Variants in CDH13 observed in about 807,000 individuals in gnomAD.
CDH13 encodes the protein cadherin 13, also known as cadherin-13.
CDH13 carries 24 observed loss-of-function variants against 63.8 expected under a neutral mutation model. That is an observed-to-expected ratio of 0.38 (90% CI 0.27 to 0.53). The LOEUF is 0.53. CDH13 is among the 20% of genes least tolerant of loss of function. CDH13 has a pLI of 0.85. For missense variants in CDH13, 1,049 were observed against 903.1 expected, an observed-to-expected ratio of 1.16 and a Z score of -2.07; for synonymous variants, 503 against 355.3, an observed-to-expected ratio of 1.42 and a Z score of -4.67.
chr16:83,168,558 A>G (rs2037786385), intron 4 of CDH13, among the ~76,000 whole-genome samples: 1 of 152,012 alleles, frequency 6.6e-6, no homozygotes, highest in Non-Finnish European at 1.5e-5. Flanking sequence ...TTTCAAATTA[A>G]CTTATTCTGA....
chr16:83,299,504 A>G (rs2089683646), intron 5 of CDH13, among the ~76,000 whole-genome samples: 1 of 152,180 alleles, frequency 6.6e-6, no homozygotes, highest in African/African-American at 2.4e-5. Flanking sequence ...TTTCCGTGGC[A>G]TGTCATTCAT....
At chr16:83,484,905 G>A (rs1021524702) in intron 6 of CDH13, among the ~76,000 whole-genome samples, 6 of 152,132 alleles carry the variant, frequency 3.9e-5, no homozygotes, top group Non-Finnish European at 5.9e-5. Context: ...GTTTGAGAAC[G>A]CTGATTCCAT....
intron 1 of CDH13, among the ~76,000 whole-genome samples, chr16:82,811,102 A>T (rs1008364067): frequency 2.0e-5 from 3 of 152,180 alleles, no homozygotes; most frequent in African/African-American, 7.2e-5. Flanking sequence ...TGTGGTAATA[A>T]AGAATTTGTC....
At chr16:82,756,726 AG>A (rs1456951344) in intron 1 of CDH13, among the ~76,000 whole-genome samples, 1 of 152,160 alleles carries the variant, frequency 6.6e-6, no homozygotes, top group Non-Finnish European at 1.5e-5. Flanking sequence ...GAGAATTAGG[AG>A]GACCAAGCTG....
chr16:83,522,852 T>A (rs1320685206), intron 7 of CDH13, among the ~76,000 whole-genome samples: 1 of 152,136 alleles, frequency 6.6e-6, no homozygotes, highest in Non-Finnish European at 1.5e-5. Flanking sequence ...CCCAAGGACT[T>A]AAAGAATTTT....
chr16:83,463,965 C>T (rs982768195), intron 6 of CDH13, among the ~76,000 whole-genome samples: 4 of 152,158 alleles, frequency 2.6e-5, no homozygotes, highest in Non-Finnish European at 5.9e-5. Flanking sequence ...TAAGGACCAC[C>T]ACTTTTGTAG....
intron 4 of CDH13, among the ~76,000 whole-genome samples, chr16:83,137,856 GT>G (rs567554799): frequency 6.8e-6 from 1 of 147,050 alleles, no homozygotes; most frequent in African/African-American, 2.5e-5. Context: ...CCAATAAAGT[GT>G]TTTTTGTTTT....
chr16:82,797,807 G>GTGTGTGTGTGTGTGTA, intron 1 of CDH13, among the ~76,000 whole-genome samples: 1 of 150,304 alleles, frequency 6.7e-6, no homozygotes, highest in East Asian at 2.0e-4. Context: ...GTGTGTGTGT[G>GTGTGTGTGTGTGTGTA]TATACATGTG....
intron 7 of CDH13, among the ~76,000 whole-genome samples, chr16:83,597,894 T>A (rs551401647): frequency 2.6e-5 from 4 of 152,248 alleles, no homozygotes; most frequent in Non-Finnish European, 5.9e-5. Flanking sequence ...TACATACCTC[T>A]GCTAAGCTTT....
At chr16:82,991,337 G>A (rs1291380378) in intron 2 of CDH13, among the ~76,000 whole-genome samples, 1 of 152,144 alleles carries the variant, frequency 6.6e-6, no homozygotes, top group Admixed American at 6.5e-5. Flanking sequence ...TACTTTAAAA[G>A]TATATATCTT....
intron 1 of CDH13, among the ~76,000 whole-genome samples, chr16:82,706,010 C>G (rs1408404455): frequency 2.0e-5 from 3 of 152,102 alleles, no homozygotes; most frequent in Admixed American, 6.6e-5. Flanking sequence ...CTCCTGTCCT[C>G]TCTCCCACCC....
At chr16:83,673,313 G>A (rs376365912) in intron 9 of CDH13, among the ~76,000 whole-genome samples, 5 of 152,148 alleles carry the variant, frequency 3.3e-5, no homozygotes, top group East Asian at 1.9e-4. Flanking sequence ...TGCCAACATG[G>A]ATATCCCCTA....
At chr16:82,860,472 G>T (rs1281032324) in intron 2 of CDH13, among the ~76,000 whole-genome samples, 1 of 150,592 alleles carries the variant, frequency 6.6e-6, no homozygotes, top group Non-Finnish European at 1.5e-5. Context: ...GGGTAAGCTA[G>T]TAAATGCTAA....
intron 10 of CDH13, among the ~76,000 whole-genome samples, chr16:83,688,120 A>T (rs377221397): frequency 2.0e-5 from 3 of 152,254 alleles, no homozygotes; most frequent in African/African-American, 7.2e-5. Flanking sequence ...TGGTCTTCCC[A>T]TGATTCATCA....
chr16:82,927,404 G>C (rs2042338674), intron 2 of CDH13, among the ~76,000 whole-genome samples: 1 of 152,080 alleles, frequency 6.6e-6, no homozygotes, highest in Admixed American at 6.5e-5. Flanking sequence ...TATAACTTGA[G>C]CTATTTTCAG....
chr16:83,602,873 T>G (rs1227235480), intron 8 of CDH13, among the ~76,000 whole-genome samples: 1 of 152,246 alleles, frequency 6.6e-6, no homozygotes, highest in Non-Finnish European at 1.5e-5. Context: ...ATTTTCATAG[T>G]TTTATTGCTG....
intron 8 of CDH13, among the ~76,000 whole-genome samples, chr16:83,633,826 G>T (rs2150798025): frequency 6.6e-6 from 1 of 152,188 alleles, no homozygotes; most frequent in South Asian, 2.1e-4. Flanking sequence ...TCATAAACAA[G>T]GTATCCCCCC....
intron 5 of CDH13, among the ~76,000 whole-genome samples, chr16:83,288,798 G>T (rs2089392007): frequency 6.6e-6 from 1 of 152,216 alleles, no homozygotes; most frequent in Non-Finnish European, 1.5e-5. Context: ...GCAATCACTT[G>T]AAATGTAGGG....
intron 13 of CDH13, among the ~76,000 whole-genome samples, chr16:83,787,632 G>T (rs761837953): frequency 6.6e-6 from 1 of 152,158 alleles, no homozygotes; most frequent in Non-Finnish European, 1.5e-5. Context: ...CCAGCACTTA[G>T]AAGCCACTGC....
Sources: allele counts gnomAD v4.1 joint callset (sites outside exome capture counted in the v4.1 genomes callset), GRCh38; gene constraint gnomAD v4.1.1; transcripts MANE v1.5; gene names NCBI Gene and HGNC (gene_info 2026-07-23, HGNC 2026-07-21).